Variants in FHIP2A observed in about 807,000 individuals in gnomAD.
The protein encoded by FHIP2A is FHF complex subunit HOOK interacting protein 2A.
In FHIP2A, 46 loss-of-function variants were observed where a neutral mutation model predicts 93.5. The ratio of observed to expected loss-of-function variants is 0.49; its 90% CI spans 0.39 to 0.63. The LOEUF is 0.63. Among genes scored for constraint, FHIP2A ranks in the 20% least tolerant of loss-of-function variants. The pLI, the probability that FHIP2A is intolerant of heterozygous loss-of-function variation, is 0.00. For synonymous variants in FHIP2A, 332 were observed against 326.5 expected (o/e 1.02, Z -0.18); for missense variants, 769 against 909.7 (o/e 0.85, Z 1.99).
At chr10:114,823,740 C>T (rs1280413289) in intron 1 of FHIP2A, among the ~76,000 whole-genome samples, 1 of 151,498 alleles carries the variant, frequency 6.6e-6, no homozygotes, top group Non-Finnish European at 1.5e-5. Context: ...CTCAAGTGAT[C>T]GCCCGCCTTG....
At chr10:114,844,059 A>C (rs1592018878) in intron 7 of FHIP2A, 122 bp downstream of exon 7, 1 of 650,598 alleles carries the variant, frequency 1.5e-6, no homozygotes, top group East Asian at 2.9e-5. Context: ...GTGATCATTA[A>C]ATGGGAATAT....
Position 114,861,889 on chromosome 10 carries a change from T to C in FHIP2A, c.*349T>C. Reference sequence around the variant, plus strand: ...TATTTCTGTTATATTAATGTCCTTTTAGGTAGCAAGGCATTTTGACATTCT... The same window carrying C: ...TATTTCTGTTATATTAATGTCCTTTCAGGTAGCAAGGCATTTTGACATTCT... On this transcript the variant is annotated 3_prime_UTR_variant, in exon 17 of 17. Transcript: ENST00000369248. 2 of 992,564 alleles carry C rather than the reference T, an allele frequency of 2.0e-6. No homozygotes were observed. Among genetic ancestry groups the C allele is most frequent in the Non-Finnish European group, 2.4e-6 (2 of 834,504 alleles). The allele number at this position is 992,564 out of a possible 1,614,324, so 61.5% of individuals were successfully genotyped here.
intron 1 of FHIP2A, among the ~76,000 whole-genome samples, chr10:114,828,722 G>A (rs1356513314): frequency 3.3e-5 from 5 of 151,750 alleles, no homozygotes; most frequent in Admixed American, 6.6e-5. Context: ...TCAATCTCCC[G>A]TAAGTTTTTT....
chr10:114,858,738 A>T (rs1380386799), intron 14 of FHIP2A, among the ~76,000 whole-genome samples: 1 of 152,168 alleles, frequency 6.6e-6, no homozygotes, highest in Non-Finnish European at 1.5e-5. Context: ...GGGAGGAGGA[A>T]TGGAGAGAAG....
chr10:114,882,918 C>T (rs1159663771), intron 16 of FHIP2A, among the ~76,000 whole-genome samples: 2 of 151,622 alleles, frequency 1.3e-5, no homozygotes, highest in Non-Finnish European at 2.9e-5. Context: ...TCATGAGCAG[C>T]AGTTCCTTTT....
At chr10:114,874,683 T>C (rs1014704641) in intron 16 of FHIP2A, among the ~76,000 whole-genome samples, 2 of 152,132 alleles carry the variant, frequency 1.3e-5, no homozygotes, top group African/African-American at 2.4e-5. Context: ...TTTGTGTTTT[T>C]AGTAGAAATG....
rs1304927285 is a variant in FHIP2A, at chr10:114,835,446, T to C, written c.295-91T>C. The C allele has an allele frequency of 4.2e-6, 3 of 711,406 alleles. No homozygotes were observed. The African/African-American group carries it at 5.2e-5, about 12-fold the overall frequency. 44.1% of individuals were successfully genotyped at this position (711,406 alleles called of 1,614,324 possible). On this transcript the variant is annotated intron_variant, in intron 3 of 16. Coordinates refer to ENST00000369248, the MANE Select transcript of FHIP2A (RefSeq NM_020940.4). The stretch of plus-strand genomic sequence containing the variant: ...CTTTTCAAGGTGGAATACATTCATA[T>C]ACATTGTCTCTCCAATTTTTTAAGC...
Position 114,864,421 on chromosome 10 carries a change from C to A in FHIP2A, c.*2881C>A. On this transcript the variant is annotated 3_prime_UTR_variant, in exon 17 of 17. Transcript: ENST00000369248. Reference sequence around the variant, plus strand: ...TATGTGTTAAAACATGGTAGATAATCACATTTTCTGGGCCCTGTAAAATAG... The same window carrying A: ...TATGTGTTAAAACATGGTAGATAATAACATTTTCTGGGCCCTGTAAAATAG... 1 of 985,754 alleles carries A rather than the reference C, an allele frequency of 1.0e-6. No homozygotes were observed. Among genetic ancestry groups the A allele is most frequent in the Non-Finnish European group, 1.2e-6 (1 of 829,856 alleles). The allele number at this position is 985,754 out of a possible 1,614,324, so 61.1% of individuals were successfully genotyped here. A position where few individuals can be genotyped will look rare whatever the true frequency, so the allele number is the denominator to read the frequency against.
intron 13 of FHIP2A, 70 bp from the exon 14 acceptor site, chr10:114,855,127 A>G: frequency 2.0e-6 from 3 of 1,533,666 alleles, no homozygotes; most frequent in Middle Eastern, 1.7e-4. Context: ...TGCCTATTTA[A>G]TGAAATCATT....
chr10:114,856,384 A>C (rs2083767454), intron 14 of FHIP2A, among the ~76,000 whole-genome samples: 1 of 152,132 alleles, frequency 6.6e-6, no homozygotes, highest in Non-Finnish European at 1.5e-5. Context: ...AAGTATAAAA[A>C]TCTGGCTATT....
intron 4 of FHIP2A, 117 bp downstream of exon 4, chr10:114,835,758 G>A (rs2143010394): frequency 3.1e-6 from 2 of 642,666 alleles, no homozygotes; most frequent in East Asian, 5.6e-5. Context: ...TAACATGCAA[G>A]TTAGCAAATA....
chr10:114,842,647 A>G (rs186770812), intron 5 of FHIP2A, among the ~76,000 whole-genome samples: 72 of 152,300 alleles, frequency 4.7e-4, no homozygotes, highest in Admixed American at 2.0e-3. Flanking sequence ...TTCCTCACTA[A>G]CATTAGTTGT....
At chr10:114,890,700 T>C (rs2083967872) in intron 16 of FHIP2A, among the ~76,000 whole-genome samples, 1 of 147,852 alleles carries the variant, frequency 6.8e-6, no homozygotes, top group African/African-American at 2.5e-5. Flanking sequence ...ATATAAAATA[T>C]ATACCGTATA....
intron 6 of FHIP2A, among the ~76,000 whole-genome samples, 166 bp downstream of exon 6, chr10:114,843,392 G>A (rs1000283048): frequency 5.3e-5 from 8 of 150,904 alleles, no homozygotes; most frequent in East Asian, 3.9e-4. Flanking sequence ...TGCAACCTCC[G>A]CCTCTGGGTT....
chr10:114,867,141 G>A (rs927824114), downstream of FHIP2A, among the ~76,000 whole-genome samples: 12 of 151,750 alleles, frequency 7.9e-5, no homozygotes, highest in Non-Finnish European at 1.2e-4. Context: ...CTGGGGAGGC[G>A]GAGGTTTCAG....
intron 1 of FHIP2A, among the ~76,000 whole-genome samples, chr10:114,829,802 A>T (rs1450150518): frequency 6.6e-6 from 1 of 152,206 alleles, no homozygotes; most frequent in African/African-American, 2.4e-5. Flanking sequence ...AGGAAAAGAA[A>T]TGTAGAAAGT....
chr10:114,826,001 A>G (rs773563733), intron 1 of FHIP2A, among the ~76,000 whole-genome samples: 2 of 152,240 alleles, frequency 1.3e-5, no homozygotes, highest in African/African-American at 2.4e-5. Context: ...AGAGTTCATG[A>G]TGATTGTTGA....
chr10:114,856,744 T>C (rs2083769335), intron 14 of FHIP2A, among the ~76,000 whole-genome samples: 3 of 152,216 alleles, frequency 2.0e-5, no homozygotes, highest in African/African-American at 7.2e-5. Context: ...CTGAAATACT[T>C]AAAATACTTT....
In FHIP2A at chr10:114,864,266, A is replaced by G; in HGVS notation, c.*2726A>G. On this transcript the variant is annotated 3_prime_UTR_variant, in exon 17 of 17. Transcript: ENST00000369248. ...TTCATAAATTATTGCATTAACATAC[A>G]ATTGCCATTTAATTATGAAGTCCAT... 4.1e-6 allele frequency: 4 copies of G among 983,594 alleles called. No individual in the cohort carries two copies. The highest frequency in any genetic ancestry group is 4.8e-6 in the Non-Finnish European group (4 of 827,844). 60.9% of individuals were successfully genotyped at this position (983,594 alleles called of 1,614,324 possible).
Sources: gnomAD v4.1 joint callset for allele counts (sites outside exome capture counted in the v4.1 genomes callset) on GRCh38, gnomAD v4.1.1 for gene constraint, MANE v1.5 for transcripts, NCBI Gene and HGNC (gene_info 2026-07-23, HGNC 2026-07-21) for gene names.